EEFSEC: variants seen among roughly 807,000 people sequenced by gnomAD.
EEFSEC encodes the protein selenocysteine-specific elongation factor.
Under a neutral mutation model 42.1 loss-of-function variants are expected in EEFSEC, and 43 were observed. The ratio of observed to expected loss-of-function variants is 1.02; its 90% CI spans 0.80 to 1.32. EEFSEC has a LOEUF of 1.32. Ranked by LOEUF, EEFSEC falls within the 40% of genes most tolerant of loss-of-function variation. EEFSEC has a pLI of 0.00. For synonymous variants in EEFSEC, 354 were observed against 339.1 expected, an observed-to-expected ratio of 1.04 and a Z score of -0.48; for missense variants, 745 against 803.6, an observed-to-expected ratio of 0.93 and a Z score of 0.88.
At chr3:128,321,392 G>A (rs554702741) in intron 4 of EEFSEC, among the ~76,000 whole-genome samples, 1 of 152,120 alleles carries the variant, frequency 6.6e-6, no homozygotes, top group Non-Finnish European at 1.5e-5. Context: ...TGGCCCTCAG[G>A]GGGCAGCCAC....
chr3:128,351,333 A>G (rs1271206117), intron 5 of EEFSEC, among the ~76,000 whole-genome samples: 2 of 152,200 alleles, frequency 1.3e-5, no homozygotes, highest in African/African-American at 4.8e-5. Context: ...TGGGTCATCC[A>G]TTCTCTGTCA....
At chr3:128,198,151 G>A (rs538226502) in intron 1 of EEFSEC, among the ~76,000 whole-genome samples, 1 of 152,186 alleles carries the variant, frequency 6.6e-6, no homozygotes, top group Non-Finnish European at 1.5e-5. Flanking sequence ...GCAAGGGGGG[G>A]ATGAAAGGGA....
At chr3:128,350,040 C>T (rs947612007) in intron 5 of EEFSEC, among the ~76,000 whole-genome samples, 13 of 152,222 alleles carry the variant, frequency 8.5e-5, no homozygotes, top group African/African-American at 2.7e-4. Flanking sequence ...CCACTGGCGC[C>T]GGTCAGGGAA....
At chr3:128,381,333 C>T (rs972549194) in intron 6 of EEFSEC, among the ~76,000 whole-genome samples, 2 of 152,178 alleles carry the variant, frequency 1.3e-5, no homozygotes, top group Non-Finnish European at 2.9e-5. Flanking sequence ...TATATTTGGC[C>T]CTCTCCCTGA....
intron 1 of EEFSEC, among the ~76,000 whole-genome samples, chr3:128,214,753 C>T (rs2065792108): frequency 6.6e-6 from 1 of 152,140 alleles, no homozygotes; most frequent in Non-Finnish European, 1.5e-5. Flanking sequence ...ATAGAATTAC[C>T]TGGGATCTCT....
chr3:128,155,765 C>T (rs938430752), intron 1 of EEFSEC, among the ~76,000 whole-genome samples: 4 of 152,208 alleles, frequency 2.6e-5, no homozygotes, highest in Non-Finnish European at 4.4e-5. Flanking sequence ...TACAGTACTT[C>T]ATCTTTGTTA....
At chr3:128,257,107 G>A (rs1257211298) in intron 2 of EEFSEC, among the ~76,000 whole-genome samples, 5 of 152,182 alleles carry the variant, frequency 3.3e-5, no homozygotes, top group East Asian at 1.9e-4. Context: ...AAGTTGTAGC[G>A]TGTAGGCTCC....
chr3:128,199,345 A>G (rs1402740142), intron 1 of EEFSEC, among the ~76,000 whole-genome samples: 4 of 152,190 alleles, frequency 2.6e-5, no homozygotes, highest in Admixed American at 2.0e-4. Context: ...ACATATATGT[A>G]TATTTATGCT....
intron 1 of EEFSEC, among the ~76,000 whole-genome samples, chr3:128,197,497 T>C (rs1400234529): frequency 6.6e-6 from 1 of 152,164 alleles, no homozygotes; most frequent in African/African-American, 2.4e-5. Context: ...GATTTCGAAC[T>C]CCTGACCTCA....
At chr3:128,299,441 T>C (rs1388332197) in intron 4 of EEFSEC, among the ~76,000 whole-genome samples, 1 of 152,200 alleles carries the variant, frequency 6.6e-6, no homozygotes, top group Non-Finnish European at 1.5e-5. Context: ...TGTTTGTTTG[T>C]TTTTTGCTAT....
chr3:128,293,557 A>T (rs1470683160), intron 4 of EEFSEC, among the ~76,000 whole-genome samples: 1 of 149,770 alleles, frequency 6.7e-6, no homozygotes, highest in African/African-American at 2.4e-5. Context: ...GCTACTCGGG[A>T]GGCTGAGGCA....
chr3:128,375,964 C>T (rs185034297), intron 6 of EEFSEC, among the ~76,000 whole-genome samples: 14 of 152,292 alleles, frequency 9.2e-5, no homozygotes, highest in African/African-American at 4.8e-5. Context: ...TATTTGAAGC[C>T]TCAGATTGAC....
chr3:128,299,369 T>C (rs2066742181), intron 4 of EEFSEC, among the ~76,000 whole-genome samples: 1 of 152,244 alleles, frequency 6.6e-6, no homozygotes, highest in African/African-American at 2.4e-5. Context: ...GTGTGCTTCC[T>C]TTAGAGAAAT....
chr3:128,350,299 G>A (rs888532289), intron 5 of EEFSEC, among the ~76,000 whole-genome samples: 3 of 152,204 alleles, frequency 2.0e-5, no homozygotes, highest in Admixed American at 6.5e-5. Context: ...TTCTCAGCAG[G>A]GATGGTCTGG....
chr3:128,369,764 A>G (rs1452698440), intron 6 of EEFSEC, among the ~76,000 whole-genome samples: 4 of 152,148 alleles, frequency 2.6e-5, no homozygotes, highest in African/African-American at 9.7e-5. Flanking sequence ...GAAGAGTGGA[A>G]AGCTTATTGA....
chr3:128,239,004 G>A (rs2066042293), intron 1 of EEFSEC, among the ~76,000 whole-genome samples: 2 of 152,258 alleles, frequency 1.3e-5, no homozygotes, highest in African/African-American at 4.8e-5. Flanking sequence ...TGCCGGGTCA[G>A]CTTCTCCTGC....
At chr3:128,370,865 C>A (rs950453840) in intron 6 of EEFSEC, among the ~76,000 whole-genome samples, 1 of 152,144 alleles carries the variant, frequency 6.6e-6, no homozygotes, top group Non-Finnish European at 1.5e-5. Flanking sequence ...GAAGTTTTAC[C>A]GATGCAGTGA....
At chr3:128,344,270 G>T (rs188658987) in intron 5 of EEFSEC, among the ~76,000 whole-genome samples, 2 of 152,228 alleles carry the variant, frequency 1.3e-5, no homozygotes, top group Non-Finnish European at 2.9e-5. Context: ...TATACTATGC[G>T]CCTTTACTAG....
chr3:128,410,185 C>T (rs2068164427), downstream of EEFSEC, among the ~76,000 whole-genome samples: 1 of 152,196 alleles, frequency 6.6e-6, no homozygotes, highest in African/African-American at 2.4e-5. Flanking sequence ...GAACCCAGCT[C>T]CAAGGACTCA....
Sources: gnomAD v4.1 joint callset for allele counts (sites outside exome capture counted in the v4.1 genomes callset) on GRCh38, gnomAD v4.1.1 for gene constraint, MANE v1.5 for transcripts, NCBI Gene and HGNC (gene_info 2026-07-23, HGNC 2026-07-21) for gene names.